The following ORC1 variants were observed in gnomAD, a reference collection of about 807,000 sequenced individuals.
ORC1 encodes origin recognition complex subunit 1.
In ORC1, 61 loss-of-function variants were observed where a neutral mutation model predicts 98.9. The observed-to-expected ratio is 0.62, with a 90% confidence interval of 0.50 to 0.76. The LOEUF is 0.76. Among genes scored for constraint, ORC1 ranks in the 30% least tolerant of loss-of-function variants. ORC1 has a pLI of 0.00. For missense variants in ORC1, 979 were observed against 1,072.2 expected, an observed-to-expected ratio of 0.91 and a Z score of 1.21; for synonymous variants, 385 against 406.9, an observed-to-expected ratio of 0.95 and a Z score of 0.65.
chr1:52,374,148 C>T (rs1186882709), intron 16 of ORC1, among the ~76,000 whole-genome samples: 2 of 152,200 alleles, frequency 1.3e-5, no homozygotes, highest in African/African-American at 2.4e-5. Flanking sequence ...AAGTCACTCT[C>T]TGCAGAAGAG....
At chr1:52,377,857 G>T (rs1048840071) in intron 14 of ORC1, among the ~76,000 whole-genome samples, 6 of 152,030 alleles carry the variant, frequency 3.9e-5, no homozygotes, top group Non-Finnish European at 5.9e-5. Context: ...AGCCACATAT[G>T]CATGGGAACC....
At chr1:52,399,460 T>TGAAAA (rs1472819344) in intron 3 of ORC1, among the ~76,000 whole-genome samples, 5 of 151,660 alleles carry the variant, frequency 3.3e-5, no homozygotes, top group Admixed American at 6.6e-5. Flanking sequence ...CCGTCTCTAC[T>TGAAAA]AAAAATACAA....
chr1:52,395,135 C>T (rs1383590651), intron 5 of ORC1, among the ~76,000 whole-genome samples: 1 of 152,046 alleles, frequency 6.6e-6, no homozygotes. Context: ...TGAATGACTA[C>T]AACAAGATGA....
intron 11 of ORC1, among the ~76,000 whole-genome samples, 183 bp downstream of exon 11, chr1:52,384,367 C>A (rs566910390): frequency 6.6e-6 from 1 of 152,336 alleles, no homozygotes; most frequent in Non-Finnish European, 1.5e-5. Flanking sequence ...CATTATCCAG[C>A]TCCTAGACTT....
At chr1:52,399,389 C>G (rs1193926377) in intron 3 of ORC1, among the ~76,000 whole-genome samples, 1 of 152,086 alleles carries the variant, frequency 6.6e-6, no homozygotes, top group Non-Finnish European at 1.5e-5. Context: ...CTTTGGGAGG[C>G]TGAGGCGGGC....
At chr1:52,374,174 G>A (rs1262736918) in intron 16 of ORC1, among the ~76,000 whole-genome samples, 1 of 152,196 alleles carries the variant, frequency 6.6e-6, no homozygotes, top group Non-Finnish European at 1.5e-5. Flanking sequence ...TCAGACTCTA[G>A]GAGGAGAACA....
intron 11 of ORC1, 125 bp from the exon 12 acceptor site, chr1:52,384,062 C>T: frequency 4.0e-6 from 3 of 758,466 alleles, no homozygotes; most frequent in Non-Finnish European, 7.0e-6. Flanking sequence ...TTCTGCCTCC[C>T]AATCTAGTCT....
chr1:52,389,406 G>A, intron 6 of ORC1, 85 bp from the exon 7 acceptor site: 3 of 902,292 alleles, frequency 3.3e-6, no homozygotes, highest in Non-Finnish European at 5.6e-6. Flanking sequence ...CAAGTGGCCT[G>A]ATTGGCTCCC....
chr1:52,399,366 T>G (rs1647581457), intron 3 of ORC1, among the ~76,000 whole-genome samples: 1 of 152,138 alleles, frequency 6.6e-6, no homozygotes, highest in Non-Finnish European at 1.5e-5. Flanking sequence ...GGCTCACGCC[T>G]GTAATCCCAG....
At chr1:52,407,479 A>G (rs1435810052), upstream of ORC1, among the ~76,000 whole-genome samples, 1 of 152,266 alleles carries the variant, frequency 6.6e-6, no homozygotes, top group African/African-American at 2.4e-5. Context: ...TTGAGAAAAC[A>G]CATGATTTGA....
chr1:52,389,269 T>C lies in ORC1; in HGVS notation c.1135A>G (p.Ile379Val). ...GTCAAGACAGAACTCTTTCTGCGGA[T>C]ACGATGGGGAGTAGAGGTCGCTTCA... ...QNEATSTPHR[I>V]RRKSSVLTMN... is the part of the protein sequence containing the mutation. The change falls in exon 7 of 17, where the codon ATC becomes GTC. Residue 379 changes from isoleucine (I) to valine (V), a missense_variant. Coordinates refer to ENST00000371568, the MANE Select transcript of ORC1 (RefSeq NM_004153.4). The C allele has an allele frequency of 6.2e-7, 1 of 1,614,192 alleles. No homozygotes were observed. Among genetic ancestry groups the C allele is most frequent in the Non-Finnish European group, 8.5e-7 (1 of 1,180,026 alleles).
chr1:52,388,206 A>T (rs1000610979), intron 8 of ORC1, among the ~76,000 whole-genome samples: 1 of 152,202 alleles, frequency 6.6e-6, no homozygotes, highest in East Asian at 1.9e-4. Flanking sequence ...GCTCTTGGCC[A>T]TCTGATTCTG....
upstream of ORC1, chr1:52,408,467 A>G (rs1208775027): frequency 3.3e-6 from 5 of 1,517,986 alleles, no homozygotes; most frequent in South Asian, 2.3e-5. Flanking sequence ...TTACCTGCCA[A>G]AGAGAAGAAC....
upstream of ORC1, among the ~76,000 whole-genome samples, chr1:52,406,605 G>A (rs554758858): frequency 5.3e-5 from 8 of 152,250 alleles, no homozygotes; most frequent in African/African-American, 1.9e-4. Flanking sequence ...GTGAAAGAAC[G>A]TAATGCATGC....
upstream of ORC1, among the ~76,000 whole-genome samples, chr1:52,408,071 A>C (rs556320183): frequency 2.0e-5 from 3 of 151,884 alleles, no homozygotes; most frequent in Admixed American, 1.3e-4. Flanking sequence ...ATAAATAAAT[A>C]CATAAATAAA....
chr1:52,402,555 C>T (rs7551213), intron 1 of ORC1, among the ~76,000 whole-genome samples: 13,480 of 152,236 alleles, frequency 0.089, 1,970 homozygotes, highest in African/African-American at 0.3. Flanking sequence ...AGGTGTAAAA[C>T]ATCTAACAAA....
intron 8 of ORC1, among the ~76,000 whole-genome samples, chr1:52,386,406 C>A (rs763414101): frequency 1.3e-5 from 2 of 152,132 alleles, no homozygotes; most frequent in Admixed American, 6.5e-5. Flanking sequence ...GCCCACGGTG[C>A]GGGACCTGGA....
chr1:52,393,267 G>C (rs899420647), intron 6 of ORC1, among the ~76,000 whole-genome samples, 176 bp downstream of exon 6: 5 of 152,298 alleles, frequency 3.3e-5, no homozygotes, highest in African/African-American at 7.2e-5. Flanking sequence ...CCAGTGCTTG[G>C]AGTCTGACTC....
intron 3 of ORC1, among the ~76,000 whole-genome samples, chr1:52,400,807 C>T (rs1647669115): frequency 6.6e-6 from 1 of 152,168 alleles, no homozygotes; most frequent in Non-Finnish European, 1.5e-5. Context: ...GCAGCCGTGG[C>T]TTCCTGCACT....
Sources: gnomAD v4.1 joint callset for allele counts (sites outside exome capture counted in the v4.1 genomes callset) on GRCh38, gnomAD v4.1.1 for gene constraint, MANE v1.5 for transcripts, NCBI Gene and HGNC (gene_info 2026-07-23, HGNC 2026-07-21) for gene names.